Variants in CCDC192 observed in about 807,000 individuals in gnomAD.
CCDC192 encodes coiled-coil domain-containing protein 192.
chr5:127,934,908 T>A (rs187606668), intron 6 of CCDC192, among the ~76,000 whole-genome samples: 1 of 152,176 alleles, frequency 6.6e-6, no homozygotes, highest in East Asian at 1.9e-4. Context: ...CCATAGTGAG[T>A]CAGAGTAGTG....
rs1053424144 is a variant in CCDC192 at position 127,850,785 on chromosome 5, G to A, written c.412-24753G>A. ...GTTCAAGACCAGCTTGGCCAACATG[G>A]TGAAACCCTATATCTACTAAAAATA... On this transcript the variant is annotated intron_variant, in intron 5 of 6. Coordinates refer to ENST00000514853, the MANE Select transcript of CCDC192 (RefSeq NM_001317938.2). Among the ~76,000 whole-genome samples the A allele has an allele frequency of 3.9e-5, 6 of 152,168 alleles. 1 individual carries two copies. The highest frequency in any genetic ancestry group is 1.4e-4 in the African/African-American group (6 of 41,454).
In CCDC192 at chr5:127,898,715, C is replaced by A. The variant is rs936650464; in HGVS notation, c.535+23054C>A. ...TCCAGGGAGCCCGTTCCCATCCCTG[C>A]ATGGTACCCTTCATGCTAAGCAGTG... On this transcript the variant is annotated intron_variant, in intron 6 of 6. Transcript: ENST00000514853. 2.0e-5 allele frequency among the ~76,000 whole-genome samples: 3 copies of A among 152,008 alleles called. No individual in the cohort carries two copies. The East Asian group carries it at 5.8e-4, about 29-fold the overall frequency.
intron 5 of CCDC192, among the ~76,000 whole-genome samples, chr5:127,800,411 CAAAAA>C (rs1757444430): frequency 1.2e-5 from 1 of 86,128 alleles, no homozygotes; most frequent in Admixed American, 1.3e-4. Context: ...ACAACAACAA[CAAAAA>C]GTAGGAAGAC....
chr5:127,786,485 T>G (rs1279174895), intron 3 of CCDC192: 1 of 630,430 alleles, frequency 1.6e-6, no homozygotes, highest in African/African-American at 1.8e-5. Flanking sequence ...ACCATTTCCT[T>G]CCTTTTTGAT....
intron 5 of CCDC192, among the ~76,000 whole-genome samples, chr5:127,799,704 C>G (rs1561495253): frequency 6.6e-6 from 1 of 152,152 alleles, no homozygotes; most frequent in East Asian, 1.9e-4. Flanking sequence ...TCTTCTTTCA[C>G]TGCCTAGTTA....
intron 2 of CCDC192, among the ~76,000 whole-genome samples, chr5:127,746,179 A>G (rs902487743): frequency 1.3e-5 from 2 of 152,210 alleles, no homozygotes; most frequent in Non-Finnish European, 2.9e-5. Context: ...CTGACTTTGC[A>G]TTCTCCACAG....
intron 5 of CCDC192, among the ~76,000 whole-genome samples, chr5:127,829,541 T>C (rs1215959893): frequency 6.6e-6 from 1 of 152,188 alleles, no homozygotes; most frequent in Non-Finnish European, 1.5e-5. Context: ...TAAAAGAAAT[T>C]GCTATAGGAG....
At chr5:127,771,374 A>G (rs528444677) in intron 3 of CCDC192, among the ~76,000 whole-genome samples, 36 of 152,364 alleles carry the variant, frequency 2.4e-4, no homozygotes, top group Non-Finnish European at 4.1e-4. Flanking sequence ...TTTTTAAAAG[A>G]GTTCAATTAC....
intron 5 of CCDC192, among the ~76,000 whole-genome samples, chr5:127,851,734 G>A (rs1011669906): frequency 6.6e-6 from 1 of 152,202 alleles, no homozygotes; most frequent in Admixed American, 6.5e-5. Flanking sequence ...GGGATTACAG[G>A]CGTGAACCAC....
chr5:127,732,240 A>G (rs1323673308), intron 2 of CCDC192, among the ~76,000 whole-genome samples: 1 of 152,260 alleles, frequency 6.6e-6, no homozygotes, highest in Non-Finnish European at 1.5e-5. Flanking sequence ...ACATATGGAA[A>G]AAAGCTCAGC....
chr5:127,745,095 A>G (rs1753662772), intron 2 of CCDC192, among the ~76,000 whole-genome samples: 2 of 152,190 alleles, frequency 1.3e-5, no homozygotes, highest in East Asian at 3.8e-4. Context: ...TTAATCAATC[A>G]ACAATTATTT....
intron 5 of CCDC192, among the ~76,000 whole-genome samples, chr5:127,825,072 A>C (rs566424907): frequency 6.6e-6 from 1 of 152,330 alleles, no homozygotes; most frequent in African/African-American, 2.4e-5. Context: ...TTAGAAAACA[A>C]AAAACTAAGG....
At chr5:127,785,093 C>G in intron 3 of CCDC192, 1 of 516,924 alleles carries the variant, frequency 1.9e-6, no homozygotes, top group Non-Finnish European at 3.9e-6. Flanking sequence ...TAGGCATCTT[C>G]TGTGTTGTAC....
In CCDC192 at chr5:127,723,557, G is replaced by A. The variant is rs762908118; in HGVS notation, c.114+15797G>A. Reference sequence around the variant, plus strand: ...TAATCAGTCTGACTTTGAAAGCACAGTTCAATTGCTATGATCTGAAGAAAA... The same window carrying A: ...TAATCAGTCTGACTTTGAAAGCACAATTCAATTGCTATGATCTGAAGAAAA... On this transcript the variant is annotated intron_variant, in intron 2 of 6. Coordinates refer to ENST00000514853, the MANE Select transcript of CCDC192 (RefSeq NM_001317938.2). Among the ~76,000 whole-genome samples the A allele has an allele frequency of 5.1e-4, 77 of 152,186 alleles. 1 individual carries two copies. The highest frequency in any genetic ancestry group is 9.6e-4 in the Non-Finnish European group (65 of 68,032).
chr5:127,912,004 C>T (rs1004164973), intron 6 of CCDC192, among the ~76,000 whole-genome samples: 4 of 152,038 alleles, frequency 2.6e-5, no homozygotes, highest in Admixed American at 1.3e-4. Flanking sequence ...TCACTGCAAC[C>T]TCTGCCTCCC....
At chr5:127,883,603 A>G (rs78373953) in intron 6 of CCDC192, among the ~76,000 whole-genome samples, 6,432 of 152,322 alleles carry the variant, frequency 0.042, 208 homozygotes, top group Middle Eastern at 0.092. Context: ...TCCTGATTTC[A>G]GAACTTCCCG....
In CCDC192 at chr5:127,797,194, G is replaced by C. The variant is rs943326024; in HGVS notation, c.314G>C (p.Ser105Thr). ...KLEAVDHKEA[S>T]GGPYEKMVLV... is the part of the protein sequence containing the mutation. ...GAGGCTGTGGACCACAAGGAAGCCA[G>C]TGGGGGACCATATGAAAAAATGGTT... Residue 105 changes from serine to threonine, a missense_variant, in exon 4 of 7, where the codon AGT becomes ACT. Coordinates refer to ENST00000514853, the MANE Select transcript of CCDC192 (RefSeq NM_001317938.2). The C allele has an allele frequency of 5.0e-6, 2 of 398,310 alleles. No homozygotes were observed. Among genetic ancestry groups the C allele is most frequent in the Non-Finnish European group, 8.9e-6 (2 of 225,640 alleles). 24.7% of individuals were successfully genotyped at this position (398,310 alleles called of 1,614,324 possible).
At chr5:127,721,609 G>T (rs576185413) in intron 2 of CCDC192, among the ~76,000 whole-genome samples, 1 of 152,184 alleles carries the variant, frequency 6.6e-6, no homozygotes, top group South Asian at 2.1e-4. Flanking sequence ...CACATTTTCA[G>T]GTATCTTTAT....
intron 6 of CCDC192, among the ~76,000 whole-genome samples, chr5:127,882,635 TA>T (rs923918684): frequency 1.3e-5 from 2 of 152,046 alleles, no homozygotes; most frequent in Non-Finnish European, 2.9e-5. Flanking sequence ...CATTAGAAAA[TA>T]AAAAAACAGT....
Sources: allele counts gnomAD v4.1 joint callset (sites outside exome capture counted in the v4.1 genomes callset), GRCh38; gene constraint gnomAD v4.1.1; transcripts MANE v1.5; gene names NCBI Gene and HGNC (gene_info 2026-07-23, HGNC 2026-07-21).